Variants in HTR2C observed in about 807,000 individuals in gnomAD.
The protein encoded by HTR2C is 5-hydroxytryptamine receptor 2C.
A neutral mutation model predicts 21.0 loss-of-function variants in HTR2C; 5 were observed. The ratio of observed to expected loss-of-function variants is 0.24; its 90% CI spans 0.12 to 0.50. The LOEUF is 0.50. Ranked by LOEUF, HTR2C falls within the 20% of genes least tolerant of loss-of-function variation. HTR2C has a pLI of 0.98. For missense variants in HTR2C, 271 were observed against 371.2 expected (o/e 0.73, Z 2.22); for synonymous variants, 150 against 145.3 (o/e 1.03, Z -0.23).
chrX:114,838,002 T>C (rs1224217259), intron 4 of HTR2C, among the ~76,000 whole-genome samples: 1 of 111,482 alleles, frequency 9.0e-6, no homozygotes, highest in Non-Finnish European at 1.9e-5. Context: ...CAAATTACTC[T>C]TCAATATCTA....
At chrX:114,644,108 G>A (rs990973223) in intron 2 of HTR2C, among the ~76,000 whole-genome samples, 1 of 107,813 alleles carries the variant, frequency 9.3e-6, no homozygotes, top group Non-Finnish European at 1.9e-5. Flanking sequence ...TTTGGGAGGC[G>A]GAGGCAGGCG....
chrX:114,815,415 C>A (rs781860635), intron 4 of HTR2C, among the ~76,000 whole-genome samples: 6 of 111,474 alleles, frequency 5.4e-5, no homozygotes, highest in African/African-American at 2.0e-4. Flanking sequence ...TTCTTAAAAT[C>A]TTGTGCAAAT....
intron 2 of HTR2C, among the ~76,000 whole-genome samples, chrX:114,670,144 G>T: frequency 9.0e-6 from 1 of 111,694 alleles, no homozygotes; most frequent in Non-Finnish European, 1.9e-5. Context: ...TGTAATCCCA[G>T]CACTTTGGGA....
chrX:114,877,370 C>T (rs1476286797), intron 5 of HTR2C, among the ~76,000 whole-genome samples: 1 of 110,374 alleles, frequency 9.1e-6, no homozygotes, highest in Non-Finnish European at 1.9e-5. Flanking sequence ...AAAGGTTTGT[C>T]CATTTTATTT....
chrX:114,655,406 C>A (rs1930747333), intron 2 of HTR2C, among the ~76,000 whole-genome samples: 2 of 111,388 alleles, frequency 1.8e-5, no homozygotes, highest in African/African-American at 6.5e-5. Context: ...ATTATCTATT[C>A]CTAATAATAC....
Position 114,771,290 on chromosome X carries a change from C to T in HTR2C, c.349+39683C>T, listed in dbSNP as rs781827506. On this transcript the variant is annotated intron_variant, in intron 4 of 5. Transcript: ENST00000276198. ...GAATACTTCTATAGATTCTGTATTC[C>T]TTGCAATATGTGGCTGCTATTTTCT... 6.3e-5 allele frequency among the ~76,000 whole-genome samples: 7 copies of T among 111,532 alleles called. No homozygotes were observed. In the East Asian group the frequency reaches 1.4e-3, roughly 22 times the overall value.
At chrX:114,703,989 C>A (rs1490009737) in intron 2 of HTR2C, among the ~76,000 whole-genome samples, 1 of 110,279 alleles carries the variant, frequency 9.1e-6, no homozygotes, top group African/African-American at 3.3e-5. Flanking sequence ...GACACATACA[C>A]CCTCCCAAGA....
chrX:114,884,322 C>T (rs1216984784), intron 5 of HTR2C, among the ~76,000 whole-genome samples: 2 of 110,376 alleles, frequency 1.8e-5, no homozygotes, highest in Non-Finnish European at 3.8e-5. Flanking sequence ...ATATATTAGT[C>T]CTATTTTTAA....
At chrX:114,819,686 T>A (rs1292804820) in intron 4 of HTR2C, among the ~76,000 whole-genome samples, 1 of 112,686 alleles carries the variant, frequency 8.9e-6, no homozygotes, top group Non-Finnish European at 1.9e-5. Flanking sequence ...TGGTCTTATC[T>A]GGAGAAAGCT....
chrX:114,630,337 C>T (rs1556403947), intron 2 of HTR2C, among the ~76,000 whole-genome samples: 1 of 111,212 alleles, frequency 9.0e-6, no homozygotes, highest in Non-Finnish European at 1.9e-5. Context: ...TTACCAGATC[C>T]CGCACAAATG....
chrX:114,612,094 T>A (rs929083868), intron 1 of HTR2C, among the ~76,000 whole-genome samples: 2 of 111,018 alleles, frequency 1.8e-5, no homozygotes, highest in African/African-American at 3.3e-5. Flanking sequence ...TGTAGTACAT[T>A]GTATCTTGCA....
At chrX:114,848,926 T>G (rs1295547150) in intron 5 of HTR2C, among the ~76,000 whole-genome samples, 1 of 111,654 alleles carries the variant, frequency 9.0e-6, no homozygotes, top group Non-Finnish European at 1.9e-5. Context: ...TACTTTCATG[T>G]TTTTTTCCTT....
chrX:114,639,864 A>C (rs1365974420), intron 2 of HTR2C, among the ~76,000 whole-genome samples: 1 of 111,535 alleles, frequency 9.0e-6, no homozygotes, highest in African/African-American at 3.3e-5. Context: ...AAAAGTATGA[A>C]TAGATGTAAG....
chrX:114,815,157 T>G (rs1352629452), intron 4 of HTR2C, among the ~76,000 whole-genome samples: 1 of 109,302 alleles, frequency 9.1e-6, no homozygotes, highest in East Asian at 2.8e-4. Flanking sequence ...CCTCTTTCAT[T>G]TTTCTCTGCT....
chrX:114,718,122 A>C (rs1473687493), intron 2 of HTR2C, among the ~76,000 whole-genome samples: 1 of 111,010 alleles, frequency 9.0e-6, no homozygotes, highest in Admixed American at 9.6e-5. Context: ...TGCTGACCTC[A>C]AGCCATCCTC....
intron 4 of HTR2C, among the ~76,000 whole-genome samples, chrX:114,793,735 A>T (rs1273535244): frequency 3.7e-5 from 4 of 108,504 alleles, no homozygotes; most frequent in Non-Finnish European, 7.7e-5. Flanking sequence ...TTTTTTTTTT[A>T]TTTATTCATC....
intron 4 of HTR2C, among the ~76,000 whole-genome samples, chrX:114,741,550 T>A (rs1185343745): frequency 0.022 from 421 of 19,377 alleles, 2 homozygotes; most frequent in Non-Finnish European, 0.032. Flanking sequence ...AAAAAAAAAA[T>A]ATGAGATTGG....
At chrX:114,834,219 G>C (rs145510184) in intron 4 of HTR2C, among the ~76,000 whole-genome samples, 2 of 110,424 alleles carry the variant, frequency 1.8e-5, no homozygotes, top group African/African-American at 6.6e-5. Context: ...TATTAGGTCC[G>C]CTTGATGCAA....
intron 1 of HTR2C, among the ~76,000 whole-genome samples, chrX:114,592,263 C>T (rs1433609692): frequency 1.8e-5 from 2 of 112,399 alleles, no homozygotes; most frequent in African/African-American, 6.4e-5. Context: ...ATTACTTTTG[C>T]ACCAACCTAA....
Sources: allele counts gnomAD v4.1 joint callset (sites outside exome capture counted in the v4.1 genomes callset), GRCh38; gene constraint gnomAD v4.1.1; transcripts MANE v1.5; gene names NCBI Gene and HGNC (gene_info 2026-07-23, HGNC 2026-07-21).